The following CRCP variants were observed in gnomAD, a reference collection of about 807,000 sequenced individuals.
CRCP encodes the protein DNA-directed RNA polymerase III subunit RPC9.
A neutral mutation model predicts 18.5 loss-of-function variants in CRCP; 18 were observed. The observed-to-expected ratio is 0.97, with a 90% CI of 0.67 to 1.44. The LOEUF is 1.44. Among genes scored for constraint, CRCP ranks in the 40% most tolerant of loss-of-function variants. The pLI is 0.00. For synonymous variants in CRCP, 53 were observed against 62.9 expected (o/e 0.84, Z 0.75); for missense variants, 130 against 176.4 (o/e 0.74, Z 1.49).
intron 2 of CRCP, chr7:66,130,182 T>G: frequency 4.2e-6 from 1 of 236,742 alleles, no homozygotes; most frequent in Non-Finnish European, 7.7e-6. Flanking sequence ...CCAGGCTCAC[T>G]GCAACCTCTG....
At chr7:66,137,964 T>G (rs947896248) in intron 4 of CRCP, among the ~76,000 whole-genome samples, 1 of 152,256 alleles carries the variant, frequency 6.6e-6, no homozygotes, top group Non-Finnish European at 1.5e-5. Flanking sequence ...TTAAAGAACT[T>G]AAGAGAACAA....
rs73699725 is a variant in CRCP at position 66,152,462 on chromosome 7, G to T, written c.*105G>T. Reference sequence around the variant, plus strand: ...TTGATTTTTATCCTCATCCCAGCAGGCCTGGCTTTGTGGTTAGTTGGGTAC... The same window carrying T: ...TTGATTTTTATCCTCATCCCAGCAGTCCTGGCTTTGTGGTTAGTTGGGTAC... On this transcript the variant is annotated 3_prime_UTR_variant, in exon 6 of 6. Transcript: ENST00000395326. 9 of 1,331,526 alleles carry T rather than the reference G, an allele frequency of 6.8e-6. No homozygotes were observed. Among genetic ancestry groups the T allele is most frequent in the Non-Finnish European group, 9.2e-6 (9 of 973,028 alleles). 82.5% of individuals were successfully genotyped at this position (1,331,526 alleles called of 1,614,324 possible). A position where few individuals can be genotyped will look rare whatever the true frequency, so the allele number is the denominator to read the frequency against.
At chr7:66,145,594 A>T in intron 5 of CRCP, 94 bp downstream of exon 5, 1 of 1,315,956 alleles carries the variant, frequency 7.6e-7, no homozygotes, top group Non-Finnish European at 1.1e-6. Context: ...TTTTTTTAAG[A>T]GGCTGCCCAA....
At chr7:66,119,913 G>C (rs1026545799) in intron 1 of CRCP, among the ~76,000 whole-genome samples, 197 of 152,142 alleles carry the variant, frequency 1.3e-3, no homozygotes, top group Non-Finnish European at 5.9e-4. Flanking sequence ...TTGCAGCCCG[G>C]TGCTCATGCC....
At chr7:66,149,112 T>A (rs992482132) in intron 5 of CRCP, among the ~76,000 whole-genome samples, 7 of 152,230 alleles carry the variant, frequency 4.6e-5, no homozygotes. Flanking sequence ...TACTTTGGAT[T>A]TTTAAGTTTT....
chr7:66,126,199 T>C (rs1032794087), intron 1 of CRCP, among the ~76,000 whole-genome samples: 1 of 149,346 alleles, frequency 6.7e-6, no homozygotes, highest in Admixed American at 6.7e-5. Context: ...ACTGTGCTGA[T>C]GACCTAAGGC....
chr7:66,138,806 A>AAAT (rs1304192352), intron 4 of CRCP, among the ~76,000 whole-genome samples: 10 of 151,468 alleles, frequency 6.6e-5, no homozygotes, highest in African/African-American at 2.2e-4. Context: ...AAAAAAAAAA[A>AAAT]ATTTAAATAA....
chr7:66,127,968 T>C (rs1787664888), intron 2 of CRCP, among the ~76,000 whole-genome samples: 1 of 151,840 alleles, frequency 6.6e-6, no homozygotes, highest in Non-Finnish European at 1.5e-5. Context: ...AAAAATTAGC[T>C]GGGTGTGGTG....
intron 4 of CRCP, among the ~76,000 whole-genome samples, chr7:66,144,301 T>C (rs577503616): frequency 6.6e-6 from 1 of 152,346 alleles, no homozygotes; most frequent in Non-Finnish European, 1.5e-5. Context: ...TTTGTCTTCT[T>C]TCTCCAGCTG....
At chr7:66,119,953 G>C (rs1188208356) in intron 1 of CRCP, among the ~76,000 whole-genome samples, 1 of 152,032 alleles carries the variant, frequency 6.6e-6, no homozygotes, top group Non-Finnish European at 1.5e-5. Flanking sequence ...GAGGCTGAGT[G>C]GGGCGGATCA....
At chr7:66,127,085 C>A (rs975272347) in intron 1 of CRCP, among the ~76,000 whole-genome samples, 1 of 152,230 alleles carries the variant, frequency 6.6e-6, no homozygotes, top group Non-Finnish European at 1.5e-5. Context: ...AATCTGATTT[C>A]AAAACTATGT....
intron 1 of CRCP, among the ~76,000 whole-genome samples, chr7:66,115,678 GATATTA>G (rs2115830183): frequency 6.6e-6 from 1 of 152,256 alleles, no homozygotes; most frequent in East Asian, 1.9e-4. Context: ...TTATACGGTT[GATATTA>G]ATTTGTAGGT....
rs1489859195 is a variant in CRCP, at chr7:66,125,277, T to TA, written c.9-2426dup. On this transcript the variant is annotated intron_variant, in intron 1 of 5. Coordinates refer to ENST00000395326, the MANE Select transcript of CRCP (RefSeq NM_014478.5). The stretch of plus-strand genomic sequence containing the variant: ...ATCCTGTTGCCAACAACCTGTCGTT[T>TA]AGTGGTGGTTACAGTAACTTCTCAA... Among the ~76,000 whole-genome samples, 5 of 149,270 alleles carry TA rather than the reference T, an allele frequency of 3.3e-5. No individual in the cohort carries two copies. In the East Asian group the frequency reaches 1.0e-3, roughly 30 times the overall value.
intron 1 of CRCP, among the ~76,000 whole-genome samples, chr7:66,121,891 G>A (rs1350881848): frequency 6.6e-6 from 1 of 152,156 alleles, no homozygotes; most frequent in Admixed American, 6.5e-5. Flanking sequence ...ACTGGAAAGA[G>A]GATACTCATT....
chr7:66,152,002 AC>A (rs764766492), intron 5 of CRCP, among the ~76,000 whole-genome samples: 15 of 150,898 alleles, frequency 9.9e-5, no homozygotes, highest in Non-Finnish European at 2.2e-4. Flanking sequence ...GTTTTTACTG[AC>A]CCATTTTGAT....
intron 4 of CRCP, 137 bp downstream of exon 4, chr7:66,134,511 A>G: frequency 1.6e-6 from 1 of 628,496 alleles, no homozygotes; most frequent in South Asian, 2.0e-5. Context: ...AAACAACTGA[A>G]AGTTAGACAT....
chr7:66,145,321 C>A, intron 4 of CRCP, 122 bp from the exon 5 acceptor site: 1 of 937,176 alleles, frequency 1.1e-6, no homozygotes, highest in Non-Finnish European at 1.7e-6. Context: ...GTTGAAGGAA[C>A]TGAGGGCCAC....
intron 4 of CRCP, among the ~76,000 whole-genome samples, chr7:66,143,743 T>C (rs1349895132): frequency 6.6e-6 from 1 of 152,222 alleles, no homozygotes; most frequent in East Asian, 1.9e-4. Flanking sequence ...GGAGCTTCTC[T>C]GCCATTTACT....
chr7:66,143,698 A>G (rs1388397288), intron 4 of CRCP, among the ~76,000 whole-genome samples: 1 of 152,210 alleles, frequency 6.6e-6, no homozygotes, highest in Non-Finnish European at 1.5e-5. Flanking sequence ...TCCATCCATT[A>G]TCACATGTAC....
Sources: allele counts gnomAD v4.1 joint callset (sites outside exome capture counted in the v4.1 genomes callset), GRCh38; gene constraint gnomAD v4.1.1; transcripts MANE v1.5; gene names NCBI Gene and HGNC (gene_info 2026-07-23, HGNC 2026-07-21).